Variants in SCOC observed in about 807,000 individuals in gnomAD.
SCOC encodes short coiled coil protein.
SCOC carries 7 observed loss-of-function variants against 9.9 expected under a neutral mutation model. The ratio of observed to expected loss-of-function variants is 0.71; its 90% confidence interval spans 0.40 to 1.33. The LOEUF is 1.33. SCOC is among the 40% of genes most tolerant of loss of function. The pLI, the probability that SCOC is intolerant of heterozygous loss-of-function variation, is 0.01. For synonymous variants in SCOC, 19 were observed against 28.2 expected, an observed-to-expected ratio of 0.67 and a Z score of 1.03; for missense variants, 66 against 89.7, an observed-to-expected ratio of 0.74 and a Z score of 1.07.
At chr4:140,286,270 T>C (rs1007467388) in intron 1 of SCOC, among the ~76,000 whole-genome samples, 1 of 151,310 alleles carries the variant, frequency 6.6e-6, no homozygotes, top group South Asian at 2.1e-4. Context: ...ATAGAGTAGG[T>C]ACTTGATAAA....
rs542257212 is a variant in SCOC at position 140,315,761 on chromosome 4, C to T, written c.-18-27860C>T. On this transcript the variant is annotated intron_variant, in intron 1 of 4. Coordinates refer to the SCOC transcript ENST00000394205. Reference sequence around the variant, plus strand: ...TTTGAACGCTTTAACCCAGATTTTTCGAAGTCTCTACTTTTACCTGGTTCT... The same window carrying T: ...TTTGAACGCTTTAACCCAGATTTTTTGAAGTCTCTACTTTTACCTGGTTCT... Among the ~76,000 whole-genome samples the T allele has an allele frequency of 4.6e-5, 7 of 152,274 alleles. No homozygotes were observed. The East Asian group carries it at 5.8e-4, about 13-fold the overall frequency.
chr4:140,279,760 T>C (rs2126414207), intron 1 of SCOC, among the ~76,000 whole-genome samples: 1 of 152,286 alleles, frequency 6.6e-6, no homozygotes, highest in African/African-American at 2.4e-5. Context: ...AAAAATGCAG[T>C]GCTTAAACAA....
chr4:140,366,428 T>A, intron 2 of SCOC: 2 of 1,424,316 alleles, frequency 1.4e-6, no homozygotes, highest in Non-Finnish European at 2.0e-6. Flanking sequence ...AGTAGCACGC[T>A]TCGCAGCAGG....
intron 1 of SCOC, among the ~76,000 whole-genome samples, chr4:140,295,930 CAAAA>C (rs1203213131): frequency 3.8e-5 from 2 of 53,056 alleles, no homozygotes; most frequent in African/African-American, 7.6e-5. Context: ...GACTCCGTCT[CAAAA>C]AAAAAAAAAA....
In SCOC at chr4:140,373,707, T is replaced by G. The variant is rs1728177791; in HGVS notation, c.-61T>G. Reference sequence around the variant, plus strand: ...CCGGATCCCTCCTTCTCCCGGCGCCTCAAGCGGAAGGTGAGGGCCGTCCCG... The same window carrying G: ...CCGGATCCCTCCTTCTCCCGGCGCCGCAAGCGGAAGGTGAGGGCCGTCCCG... On this transcript the variant is annotated 5_prime_UTR_variant, in exon 1 of 4. Transcript: ENST00000608372. 6 of 1,548,038 alleles carry G rather than the reference T, an allele frequency of 3.9e-6. No individual in the cohort carries two copies. Among genetic ancestry groups the G allele is most frequent in the Non-Finnish European group, 5.2e-6 (6 of 1,146,804 alleles).
At position 140,268,338 on chromosome 4, in the gene SCOC, C is replaced by T. The variant is rs185055252; in HGVS notation, c.-19+10928C>T. On this transcript the variant is annotated intron_variant, in intron 1 of 4. Coordinates refer to the SCOC transcript ENST00000394205. The stretch of plus-strand genomic sequence containing the variant: ...TAATATTCTTATGTTTCCATCACGT[C>T]AAATTCCCACTAGGACAAATGTATA... 7.9e-5 allele frequency among the ~76,000 whole-genome samples: 12 copies of T among 152,282 alleles called. No homozygotes were observed. The East Asian group carries it at 1.9e-3, about 24-fold the overall frequency.
At chr4:140,288,565 C>T (rs1029877427) in intron 1 of SCOC, among the ~76,000 whole-genome samples, 2 of 151,916 alleles carry the variant, frequency 1.3e-5, no homozygotes, top group Admixed American at 1.3e-4. Flanking sequence ...AACATATATA[C>T]ACATGTACCA....
At chr4:140,311,419 A>G (rs1441451877) in intron 1 of SCOC, among the ~76,000 whole-genome samples, 1 of 152,110 alleles carries the variant, frequency 6.6e-6, no homozygotes, top group East Asian at 1.9e-4. Context: ...GAGTGAATCT[A>G]TGTCATGCAA....
intron 2 of SCOC, among the ~76,000 whole-genome samples, chr4:140,354,912 C>A (rs977231740): frequency 6.6e-6 from 1 of 151,920 alleles, no homozygotes; most frequent in African/African-American, 2.4e-5. Context: ...TCACTCATCA[C>A]AAATAAAACT....
At chr4:140,266,175 A>G (rs1444330611) in intron 1 of SCOC, among the ~76,000 whole-genome samples, 2 of 152,164 alleles carry the variant, frequency 1.3e-5, no homozygotes, top group Non-Finnish European at 2.9e-5. Flanking sequence ...GAAGTTGCAG[A>G]AAAACTTTGT....
At chr4:140,335,548 C>T (rs1423244297) in intron 1 of SCOC, among the ~76,000 whole-genome samples, 1 of 152,194 alleles carries the variant, frequency 6.6e-6, no homozygotes, top group African/African-American at 2.4e-5. Flanking sequence ...TGAAATTACT[C>T]CCAAAGAAAG....
intron 1 of SCOC, among the ~76,000 whole-genome samples, chr4:140,261,854 G>C (rs546352177): frequency 3.9e-5 from 6 of 152,282 alleles, no homozygotes; most frequent in Admixed American, 3.9e-4. Context: ...CAAGGAGTTA[G>C]AGAATGTGTG....
intron 1 of SCOC, among the ~76,000 whole-genome samples, chr4:140,260,557 T>C (rs1321046089): frequency 6.6e-6 from 1 of 152,222 alleles, no homozygotes; most frequent in Non-Finnish European, 1.5e-5. Flanking sequence ...TTTTGGGCAA[T>C]TGAGTCTCAG....
chr4:140,259,517 G>A (rs572177899), intron 1 of SCOC, among the ~76,000 whole-genome samples: 17 of 152,184 alleles, frequency 1.1e-4, no homozygotes, highest in South Asian at 8.3e-4. Flanking sequence ...CAGTGCTTTG[G>A]GAGTGCAGTC....
chr4:140,275,820 GTTTTTTTTTT>G (rs1175950527), intron 1 of SCOC, among the ~76,000 whole-genome samples: 4 of 90,646 alleles, frequency 4.4e-5, no homozygotes, highest in Admixed American at 2.9e-4. Context: ...GCTCAGGTTT[GTTTTTTTTTT>G]TTTTTTTTTT....
chr4:140,272,746 A>G (rs1463941638), intron 1 of SCOC, among the ~76,000 whole-genome samples: 1 of 152,136 alleles, frequency 6.6e-6, no homozygotes, highest in African/African-American at 2.4e-5. Flanking sequence ...GATACTTTTA[A>G]TACGGGAAGT....
intron 2 of SCOC, chr4:140,366,351 T>A: frequency 7.7e-7 from 1 of 1,305,568 alleles, no homozygotes; most frequent in Non-Finnish European, 1.1e-6. Context: ...AGGAAGCTTC[T>A]AAGCTGGAGC....
intron 1 of SCOC, among the ~76,000 whole-genome samples, chr4:140,302,329 T>G (rs186830819): frequency 6.6e-6 from 1 of 152,318 alleles, no homozygotes; most frequent in Admixed American, 6.5e-5. Flanking sequence ...AATGATTTAT[T>G]GTTGAAGACC....
At chr4:140,373,125 C>T, upstream of SCOC, 1 of 344,506 alleles carries the variant, frequency 2.9e-6, no homozygotes, top group South Asian at 5.1e-5. Context: ...TATAAGCTTT[C>T]CGATTTCGGA....
Sources: gnomAD v4.1 joint callset for allele counts (sites outside exome capture counted in the v4.1 genomes callset) on GRCh38, gnomAD v4.1.1 for gene constraint, MANE v1.5 for transcripts, NCBI Gene and HGNC (gene_info 2026-07-23, HGNC 2026-07-21) for gene names.